Variants in ADAP1 observed in about 807,000 individuals in gnomAD.
ADAP1 encodes ArfGAP with dual PH domains 1.
Under a neutral mutation model 54.9 loss-of-function variants are expected in ADAP1, and 31 were observed. The ratio of observed to expected loss-of-function variants is 0.56; its 90% confidence interval spans 0.42 to 0.76. The LOEUF (loss-of-function observed/expected upper bound fraction) is 0.76, where lower values mean the gene tolerates loss of function less well. Among genes scored for constraint, ADAP1 ranks in the 30% least tolerant of loss-of-function variants. ADAP1 has a pLI of 0.00. For synonymous variants in ADAP1, 313 were observed against 202.6 expected (o/e 1.55, Z -4.63); for missense variants, 535 against 512.4 (o/e 1.04, Z -0.42).
At chr7:906,683 GACA>G in intron 4 of ADAP1, among the ~76,000 whole-genome samples, 2 of 69,892 alleles carry the variant, frequency 2.9e-5, no homozygotes, top group African/African-American at 7.9e-5. Context: ...ATGGACAGGG[GACA>G]CGGGGGACAT....
At chr7:905,288 G>T in intron 4 of ADAP1, 116 bp from the exon 5 acceptor site, 1 of 363,052 alleles carries the variant, frequency 2.8e-6, no homozygotes, top group East Asian at 4.9e-5. Flanking sequence ...ACACGGACGG[G>T]GGACACGGAC....
rs968795195 is a variant in ADAP1 at position 898,715 on chromosome 7, G to C, written c.*206C>G. 1 of 650,750 alleles carries C rather than the reference G, an allele frequency of 1.5e-6. No individual in the cohort carries two copies. The highest frequency in any genetic ancestry group is 2.6e-6 in the Non-Finnish European group (1 of 379,400). The allele number at this position is 650,750 out of a possible 1,614,324, so 40.3% of individuals were successfully genotyped here. ...TCAGCAGCAGCATGACGGGGTTAGA[G>C]ATCAGGCCCAGGGCCTGGGCTGCCT... On this transcript the variant is annotated 3_prime_UTR_variant, in exon 11 of 11. Transcript: ENST00000265846.
rs766602560 is a variant in ADAP1, at chr7:945,239, G to A, written c.82+9157C>T. Among the ~76,000 whole-genome samples the A allele has an allele frequency of 1.1e-4, 16 of 152,184 alleles. No individual in the cohort carries two copies. Among genetic ancestry groups the A allele is most frequent in the Non-Finnish European group, 1.8e-4 (12 of 68,024 alleles). On this transcript the variant is annotated intron_variant, in intron 1 of 10. Transcript: ENST00000265846. This position sits in a 1 kb window ranked among gnomAD's most constrained non-coding sequence, Gnocchi z 4.2. ...GGCATGGCCAGGCCTGCCTGCATCC[G>A]CAAATGCCCGCAGCCCATCGGAGCG...
At chr7:899,755 C>G (rs961017466) in intron 8 of ADAP1, among the ~76,000 whole-genome samples, 1 of 152,154 alleles carries the variant, frequency 6.6e-6, no homozygotes, top group Admixed American at 6.5e-5. Context: ...TACGAGCCCT[C>G]ACACCTGCAC....
At chr7:942,772 A>G (rs1160648350) in intron 1 of ADAP1, among the ~76,000 whole-genome samples, 2 of 11,474 alleles carry the variant, frequency 1.7e-4, no homozygotes. Context: ...AGGAGGAGGA[A>G]GAGGAGGAAG....
intron 3 of ADAP1, among the ~76,000 whole-genome samples, chr7:924,117 C>T (rs1304726991): frequency 3.1e-3 from 160 of 51,178 alleles, no homozygotes; most frequent in African/African-American, 0.011. Flanking sequence ...CACTGCAGGT[C>T]CACGCTGCAC....
chr7:945,917 G>T lies in ADAP1; in HGVS notation c.82+8479C>A. 1 of 765,566 alleles carries T rather than the reference G, an allele frequency of 1.3e-6. No homozygotes were observed. Among genetic ancestry groups the T allele is most frequent in the South Asian group, 5.9e-5 (1 of 16,932 alleles). The allele number at this position is 765,566 out of a possible 1,614,324, so 47.4% of individuals were successfully genotyped here. ...GGCTGGGGCACGGGCAGGGGGAAGGGCAGTAGCCAAGCCTGTCCATGGGGC... is the reference window on the plus strand; with the variant it reads ...GGCTGGGGCACGGGCAGGGGGAAGGTCAGTAGCCAAGCCTGTCCATGGGGC... On this transcript the variant is annotated intron_variant, in intron 1 of 10. Coordinates refer to ENST00000265846, the MANE Select transcript of ADAP1 (RefSeq NM_006869.4). The surrounding 1 kb of genome is among the most constrained non-coding windows in gnomAD (Gnocchi z 4.2).
chr7:912,853 T>C (rs983120578), intron 4 of ADAP1, among the ~76,000 whole-genome samples: 8 of 151,930 alleles, frequency 5.3e-5, no homozygotes, highest in Non-Finnish European at 1.2e-4. Context: ...ACGCCAGGCC[T>C]ATTTATTTAT....
intron 4 of ADAP1, among the ~76,000 whole-genome samples, chr7:906,666 A>G (rs1448382056): frequency 1.0e-5 from 1 of 100,172 alleles, no homozygotes; most frequent in African/African-American, 4.9e-5. Flanking sequence ...GGGGCGGGAA[A>G]GGGGACATGG....
rs1168673612 is a variant in ADAP1, at chr7:945,466, G to T, written c.82+8930C>A. On this transcript the variant is annotated intron_variant, in intron 1 of 10. Transcript: ENST00000265846. The surrounding 1 kb of genome is among the most constrained non-coding windows in gnomAD (Gnocchi z 4.2). ...GCCCAGGACCACTTCTGGGTTCCCAGGACTGTGGAATTTTGTTCCAAAATG... is the reference window on the plus strand; with the variant it reads ...GCCCAGGACCACTTCTGGGTTCCCATGACTGTGGAATTTTGTTCCAAAATG... Among the ~76,000 whole-genome samples, 1 of 152,232 alleles carries T rather than the reference G, an allele frequency of 6.6e-6. No individual in the cohort carries two copies. The highest frequency in any genetic ancestry group is 1.5e-5 in the Non-Finnish European group (1 of 68,040).
chr7:930,111 A>AC (rs1481815849), intron 2 of ADAP1, among the ~76,000 whole-genome samples: 1 of 149,478 alleles, frequency 6.7e-6, no homozygotes, highest in East Asian at 2.0e-4. Flanking sequence ...CAAAAAAAAA[A>AC]AAAAAAAAAA....
chr7:913,931 C>A (rs1845828474), intron 4 of ADAP1, among the ~76,000 whole-genome samples: 1 of 151,554 alleles, frequency 6.6e-6, no homozygotes. Context: ...CAGGAAAAAA[C>A]AAACAAACAA....
At chr7:954,926 G>C (rs1051733517), upstream of ADAP1, among the ~76,000 whole-genome samples, 15 of 152,062 alleles carry the variant, frequency 9.9e-5, no homozygotes, top group African/African-American at 3.4e-4. Context: ...GTGCCGCCGC[G>C]CGCGGTGGGA....
intron 2 of ADAP1, among the ~76,000 whole-genome samples, chr7:929,103 G>T (rs6944845): frequency 0.17 from 25,079 of 151,958 alleles, 2,326 homozygotes; most frequent in South Asian, 0.26. Context: ...ACCAGCCTGG[G>T]CAACACGGTG....
chr7:900,236 C>A, intron 7 of ADAP1, 72 bp from the exon 8 acceptor site: 1 of 1,576,082 alleles, frequency 6.3e-7, no homozygotes, highest in Non-Finnish European at 8.7e-7. Context: ...GGCTGTGCCC[C>A]TCTGTGCTCC....
chr7:930,815 T>TTA (rs1554276462), intron 2 of ADAP1, among the ~76,000 whole-genome samples: 2 of 144,138 alleles, frequency 1.4e-5, no homozygotes, highest in Non-Finnish European at 3.0e-5. Context: ...AGACTGTCTC[T>TTA]AAAAAAAAAA....
At position 945,329 on chromosome 7, in the gene ADAP1, C is replaced by T. The variant is rs537451484; in HGVS notation, c.82+9067G>A. Among the ~76,000 whole-genome samples, 1 of 152,332 alleles carries T rather than the reference C, an allele frequency of 6.6e-6. No homozygotes were observed. Among genetic ancestry groups the T allele is most frequent in the Admixed American group, 6.5e-5 (1 of 15,308 alleles). On this transcript the variant is annotated intron_variant, in intron 1 of 10. Coordinates refer to ENST00000265846, the MANE Select transcript of ADAP1 (RefSeq NM_006869.4). The surrounding 1 kb of genome is among the most constrained non-coding windows in gnomAD (Gnocchi z 4.2). The stretch of plus-strand genomic sequence containing the variant: ...TGGAAGGGGAGCTGGTCTGACGCCC[C>T]AGCAGCAGGGCCCCCACAGGCCCAC...
In ADAP1 at chr7:900,107, G is replaced by A. The variant is rs1425214995; in HGVS notation, c.790C>T (p.Pro264Ser). 6.2e-7 allele frequency: 1 copy of A among 1,613,038 alleles called. No homozygotes were observed. Among genetic ancestry groups the A allele is most frequent in the Non-Finnish European group, 8.5e-7 (1 of 1,179,926 alleles). Residue 264 changes from proline to serine, a missense_variant, in exon 8 of 11, where the codon CCC (proline) becomes TCC (serine). Coordinates refer to ENST00000265846, the MANE Select transcript of ADAP1 (RefSeq NM_006869.4). The part of the protein sequence containing the change: ...LKEGYMEKTG[P>S]KQTEGFRKRW... ...CGCACGTGCGGCACACCCACCTTGG[G>A]CCCCGTCTTCTCCATGTAGCCTTCC...
intron 2 of ADAP1, chr7:927,470 G>A: frequency 2.1e-6 from 1 of 472,438 alleles, no homozygotes; most frequent in Non-Finnish European, 4.4e-6. Flanking sequence ...GCTGCTGTTT[G>A]CACCTTCAAG....
Sources: allele counts gnomAD v4.1 joint callset (sites outside exome capture counted in the v4.1 genomes callset), GRCh38; gene constraint gnomAD v4.1.1; non-coding constraint Gnocchi (gnomAD v3.1); transcripts MANE v1.5; gene names NCBI Gene and HGNC (gene_info 2026-07-23, HGNC 2026-07-21).